GLMP: variants seen among roughly 807,000 people sequenced by gnomAD.
The protein encoded by GLMP is kidney lysosomal membrane protein.
A neutral mutation model predicts 39.2 loss-of-function variants in GLMP; 36 were observed. The observed-to-expected ratio is 0.92, with a 90% CI of 0.70 to 1.21. The LOEUF is 1.21. Ranked by LOEUF, GLMP falls within the 50% of genes most tolerant of loss-of-function variation. The pLI is 0.00. For missense variants in GLMP, 454 were observed against 505.6 expected, an observed-to-expected ratio of 0.90 and a Z score of 0.98; for synonymous variants, 220 against 218.9, an observed-to-expected ratio of 1.01 and a Z score of -0.04.
chr1:156,295,055 C>A, intron 1 of GLMP, 39 bp from the exon 2 acceptor site: 1 of 1,411,716 alleles, frequency 7.1e-7, no homozygotes, highest in Non-Finnish European at 9.6e-7. Context: ...GGAACAGGAC[C>A]AAGGAGAGAC....
Position 156,295,615 on chromosome 1 carries a change from A to C in GLMP, c.31T>G (p.Trp11Gly). ...AGGGGGCTGGGGGCACAGTGCCCCC[A>C]ACCCCAGGTGCACTCCACAGAGCCG... MRGSVECTWGWGHCAPSPLLL... is the reference protein window; with the variant it reads MRGSVECTWGGGHCAPSPLLL... The change falls in exon 1 of 6, where the codon TGG becomes GGG. Residue 11 changes from tryptophan to glycine, a missense_variant. By Grantham distance (184) the Trp-to-Gly change is radical. Transcript: ENST00000362007. 6.4e-7 allele frequency: 1 copy of C among 1,552,700 alleles called. No individual in the cohort carries two copies. Among genetic ancestry groups the C allele is most frequent in the South Asian group, 1.2e-5 (1 of 84,560 alleles).
intron 4 of GLMP, 86 bp from the exon 5 acceptor site, chr1:156,293,662 T>TGTGG (rs1383053614): frequency 6.3e-7 from 1 of 1,581,324 alleles, no homozygotes; most frequent in Admixed American, 1.8e-5. Flanking sequence ...CCTTATTCTG[T>TGTGG]GACTAGCAGC....
rs1449161424 is a variant in GLMP at position 156,295,663 on chromosome 1, G to A, written c.-18C>T. On this transcript the variant is annotated 5_prime_UTR_variant, in exon 1 of 6. Transcript: ENST00000362007. ...CCGCGCATACGGCCGCAATTCAGCCGACGGAAGAGGTGCCAGAGGGTCACA... is the reference window on the plus strand; with the variant it reads ...CCGCGCATACGGCCGCAATTCAGCCAACGGAAGAGGTGCCAGAGGGTCACA... 5.2e-6 allele frequency: 8 copies of A among 1,544,024 alleles called. No individual in the cohort carries two copies. The highest frequency in any genetic ancestry group is 4.9e-5 in the East Asian group (2 of 40,868).
intron 4 of GLMP, 168 bp from the exon 5 acceptor site, chr1:156,293,744 T>C (rs1469790734): frequency 1.3e-6 from 2 of 1,544,480 alleles, no homozygotes; most frequent in Admixed American, 2.0e-5. Flanking sequence ...GGGTGAGGAC[T>C]GAGTTGTTTT....
Position 156,294,000 on chromosome 1 carries a change from C to A in GLMP, c.798+18G>T, listed in dbSNP as rs749945544. 4.7e-5 allele frequency: 76 copies of A among 1,611,390 alleles called. No homozygotes were observed. Among genetic ancestry groups the A allele is most frequent in the Non-Finnish European group, 6.3e-5 (74 of 1,178,884 alleles). ...ACCTACATTCCTCACCCATCTGCCT[C>A]TCTCCAGGAAGCCTGACCTGGAAGA... On this transcript the variant is annotated intron_variant, in intron 4 of 5. Coordinates refer to ENST00000362007, the MANE Select transcript of GLMP (RefSeq NM_144580.3).
chr1:156,293,552 G>A lies in GLMP; in HGVS notation c.823C>T (p.Leu275Phe), dbSNP rs201245351. Residue 275 changes from leucine to phenylalanine, a missense_variant, in exon 5 of 6, where the codon CTC becomes TTC. Coordinates refer to ENST00000362007, the MANE Select transcript of GLMP (RefSeq NM_144580.3). ...CGCCACTGTGCAAAGCCTGATGGGA[G>A]GGAGCCCCACAGTAGCTGGTCCAAC... is the stretch of plus-strand genomic sequence containing the variant. ...FQLDQLLWGS[L>F]PSGFAQWRPV... 1.3e-4 allele frequency: 206 copies of A among 1,614,186 alleles called. No individual in the cohort carries two copies. The highest frequency in any genetic ancestry group is 2.3e-4 in the Admixed American group (14 of 60,020).
intron 4 of GLMP, 171 bp from the exon 5 acceptor site, chr1:156,293,747 G>A (rs1406219127): frequency 6.5e-7 from 1 of 1,542,488 alleles, no homozygotes. Flanking sequence ...TGAGGACTGA[G>A]TTGTTTTCCA....
At chr1:156,294,691 C>G in intron 2 of GLMP, 68 bp downstream of exon 2, 1 of 1,563,678 alleles carries the variant, frequency 6.4e-7, no homozygotes, top group Non-Finnish European at 8.7e-7. Flanking sequence ...GTCTTTAGTT[C>G]CACCCTCTAA....
In GLMP at chr1:156,293,538, A is replaced by G. The variant is rs2101602455; in HGVS notation, c.837T>C (p.Phe279=). 1 of 1,614,210 alleles carries G rather than the reference A, an allele frequency of 6.2e-7. No individual in the cohort carries two copies. Among genetic ancestry groups the G allele is most frequent in the African/African-American group, 1.3e-5 (1 of 75,058 alleles). ...QLLWGSLPSG[F]AQWRPVAYSQ... ...AGTAAGCCACTGGTCGCCACTGTGC[A>G]AAGCCTGATGGGAGGGAGCCCCACA... Residue 279 remains phenylalanine (F), a synonymous_variant, in exon 5 of 6, where the codon TTT becomes TTC. Transcript: ENST00000362007.
At position 156,294,348 on chromosome 1, in the gene GLMP, G is replaced by A. The variant is rs375098482; in HGVS notation, c.579+17C>T. On this transcript the variant is annotated intron_variant, in intron 3 of 5. Coordinates refer to ENST00000362007, the MANE Select transcript of GLMP (RefSeq NM_144580.3). ...AAATCAGCCTTTTTGAGCTCTTTCCGATTTCTCACGCCTTACCCTGAAGGC... is the reference window on the plus strand; with the variant it reads ...AAATCAGCCTTTTTGAGCTCTTTCCAATTTCTCACGCCTTACCCTGAAGGC... 48 of 1,613,488 alleles carry A rather than the reference G, an allele frequency of 3.0e-5. No homozygotes were observed. Among genetic ancestry groups the A allele is most frequent in the Admixed American group, 1.2e-4 (7 of 59,958 alleles).
chr1:156,295,484 C>T (rs1663570397), intron 1 of GLMP, 42 bp downstream of exon 1: 25 of 1,456,230 alleles, frequency 1.7e-5, no homozygotes, highest in Non-Finnish European at 2.3e-5. Context: ...GCAAGGGTAG[C>T]GTTTCCTGAA....
rs750265366 is a variant in GLMP at position 156,294,357 on chromosome 1, C to T, written c.579+8G>A. 38 of 1,613,902 alleles carry T rather than the reference C, an allele frequency of 2.4e-5. No homozygotes were observed. Among genetic ancestry groups the T allele is most frequent in the African/African-American group, 1.2e-4 (9 of 74,932 alleles). On this transcript the variant is annotated splice_region_variant and intron_variant, in intron 3 of 5. Transcript: ENST00000362007. The stretch of plus-strand genomic sequence containing the variant: ...TTTTTGAGCTCTTTCCGATTTCTCA[C>T]GCCTTACCCTGAAGGCCAGGCTGCC...
At position 156,293,563 on chromosome 1, in the gene GLMP, A is replaced by G; in HGVS notation, c.812T>C (p.Leu271Pro). The G allele has an allele frequency of 1.2e-6, 2 of 1,614,180 alleles. No homozygotes were observed. ...APAVFQLDQL[L>P]WGSLPSGFAQ... ...AAAGCCTGATGGGAGGGAGCCCCACAGTAGCTGGTCCAACTGGGAAGAAAG... is the reference window on the plus strand; with the variant it reads ...AAAGCCTGATGGGAGGGAGCCCCACGGTAGCTGGTCCAACTGGGAAGAAAG... Residue 271 changes from leucine to proline, a missense_variant, in exon 5 of 6, where the codon CTG becomes CCG. Physicochemically the swap from Leu to Pro is moderately conservative, Grantham distance 98. Transcript: ENST00000362007.
At chr1:156,293,674 G>T in intron 4 of GLMP, 98 bp from the exon 5 acceptor site, 15 of 1,570,978 alleles carry the variant, frequency 9.5e-6, no homozygotes, top group African/African-American at 1.4e-5. Context: ...ACTAGCAGCA[G>T]GAGTCCTGAG....
rs199685689 is a variant in GLMP, at chr1:156,292,992, C to G, written c.*52G>C. 6.3e-7 allele frequency: 1 copy of G among 1,575,146 alleles called. No individual in the cohort carries two copies. Among genetic ancestry groups the G allele is most frequent in the African/African-American group, 1.4e-5 (1 of 73,714 alleles). ...CTTGATGCTCCAACCTCCAGAGTTT[C>G]GAGGCACAGCAAGACAGGTTCAGTA... On this transcript the variant is annotated 3_prime_UTR_variant, in exon 6 of 6. Coordinates refer to ENST00000362007, the MANE Select transcript of GLMP (RefSeq NM_144580.3).
rs971962690 is a variant in GLMP, at chr1:156,295,216, G to A, written c.121-200C>T. The A allele has an allele frequency of 3.6e-6, 4 of 1,117,480 alleles. No individual in the cohort carries two copies. In the Admixed American group the frequency reaches 1.4e-4, roughly 39 times the overall value. The allele number at this position is 1,117,480 out of a possible 1,614,324, so 69.2% of individuals were successfully genotyped here. A position where few individuals can be genotyped will look rare whatever the true frequency, so the allele number is the denominator to read the frequency against. Reference sequence around the variant, plus strand: ...GGACAGGATGAAAAGGGGTAGGGTAGAGGGTACAGCCAGGACTCCCCTGAC... The same window carrying A: ...GGACAGGATGAAAAGGGGTAGGGTAAAGGGTACAGCCAGGACTCCCCTGAC... On this transcript the variant is annotated intron_variant, in intron 1 of 5. Transcript: ENST00000362007.
rs759261358 is a variant in GLMP at position 156,293,441 on chromosome 1, A to G, written c.934T>C (p.Ser312Pro). 38 of 1,614,074 alleles carry G rather than the reference A, an allele frequency of 2.4e-5. No individual in the cohort carries two copies. Among genetic ancestry groups the G allele is most frequent in the Non-Finnish European group, 3.4e-6 (4 of 1,180,048 alleles). Reference sequence around the variant, plus strand: ...CGGACAATGGGTGACTGGGGAAGAGAGTATGCTAAGGCAGGATGAAGAGGG... The same window carrying G: ...CGGACAATGGGTGACTGGGGAAGAGGGTATGCTAAGGCAGGATGAAGAGGG... ...ASPLHPALAY[S>P]LPQSPIVRAF... Residue 312 changes from serine to proline, a missense_variant, in exon 5 of 6, where the codon TCT becomes CCT. Transcript: ENST00000362007.
Position 156,294,178 on chromosome 1 carries a change from G to A in GLMP, c.638C>T (p.Ala213Val). The change falls in exon 4 of 6, where the codon GCA (alanine) becomes GTA (valine). Residue 213 changes from alanine (A) to valine (V), a missense_variant. Transcript: ENST00000362007. ...GGCCACCTCTAGCTGACAGGTGTCTGCTGTGTGCAGGAGGCGAGGGGGTTG... is the reference window on the plus strand; with the variant it reads ...GGCCACCTCTAGCTGACAGGTGTCTACTGTGTGCAGGAGGCGAGGGGGTTG... The part of the protein sequence containing the change: ...PAQPPRLLHT[A>V]DTCQLEVALI... The A allele has an allele frequency of 1.9e-6, 3 of 1,614,118 alleles. No individual in the cohort carries two copies. Among genetic ancestry groups the A allele is most frequent in the Middle Eastern group, 1.7e-4 (1 of 6,060 alleles).
At position 156,294,431 on chromosome 1, in the gene GLMP, G is replaced by A; in HGVS notation, c.513C>T (p.Ala171=). Residue 171 remains alanine, a synonymous_variant, in exon 3 of 6, where the codon GCC becomes GCT. Transcript: ENST00000362007. The stretch of plus-strand genomic sequence containing the variant: ...CGTTCATGGGGTGGCCTTGAAATGT[G>A]GCACTCAGGGTGGCAGGATCCAATG... ...TDSLDPATLS[A]TFQGHPMNDP... 6.2e-7 allele frequency: 1 copy of A among 1,614,188 alleles called. No homozygotes were observed. Among genetic ancestry groups the A allele is most frequent in the Non-Finnish European group, 8.5e-7 (1 of 1,180,034 alleles).
Sources: allele counts gnomAD v4.1 joint callset, GRCh38; gene constraint gnomAD v4.1.1; transcripts MANE v1.5; gene names NCBI Gene and HGNC (gene_info 2026-07-23, HGNC 2026-07-21).